ZNF407: variants seen among roughly 807,000 people sequenced by gnomAD.
ZNF407 encodes zinc finger protein 407.
ZNF407 carries 17 observed loss-of-function variants against 131.2 expected under a neutral mutation model. The ratio of observed to expected loss-of-function variants is 0.13; its 90% confidence interval spans 0.09 to 0.19. ZNF407 has a LOEUF of 0.19. Ranked by LOEUF, ZNF407 falls within the 10% of genes least tolerant of loss-of-function variation. The pLI is 1.00. For synonymous variants in ZNF407, 1,156 were observed against 1,062.0 expected, an observed-to-expected ratio of 1.09 and a Z score of -1.72; for missense variants, 2,681 against 2,830.6, an observed-to-expected ratio of 0.95 and a Z score of 1.20.
intron 8 of ZNF407, among the ~76,000 whole-genome samples, chr18:74,972,101 T>A (rs1599271552): frequency 6.6e-6 from 1 of 152,102 alleles, no homozygotes; most frequent in South Asian, 2.1e-4. Flanking sequence ...TCCCTCTGGG[T>A]CCCTCCCACA....
At chr18:74,856,464 T>G (rs896360713) in intron 4 of ZNF407, among the ~76,000 whole-genome samples, 2 of 152,158 alleles carry the variant, frequency 1.3e-5, no homozygotes, top group Non-Finnish European at 2.9e-5. Flanking sequence ...AAATTAAAAT[T>G]TTATTATTTA....
chr18:74,617,158 C>CGCACCACACACATCCATATCCAT (rs1983347398), intron 1 of ZNF407, among the ~76,000 whole-genome samples: 2 of 23,758 alleles, frequency 8.4e-5, no homozygotes, highest in African/African-American at 2.5e-4. Context: ...TCCATATCCA[C>CGCACCACACACATCCATATCCAT]GCACCACACA....
chr18:74,973,627 G>A (rs1205668911), intron 8 of ZNF407, among the ~76,000 whole-genome samples: 1 of 152,168 alleles, frequency 6.6e-6, no homozygotes, highest in Non-Finnish European at 1.5e-5. Context: ...CGATATGTTT[G>A]TCTGCACAGG....
At chr18:74,619,893 C>A (rs1983446983) in intron 1 of ZNF407, among the ~76,000 whole-genome samples, 1 of 152,054 alleles carries the variant, frequency 6.6e-6, no homozygotes, top group Admixed American at 6.6e-5. Context: ...AATAAAACAA[C>A]CTTTTTCAAA....
intron 3 of ZNF407, among the ~76,000 whole-genome samples, chr18:74,731,567 A>G (rs1009098001): frequency 6.6e-6 from 1 of 152,254 alleles, no homozygotes; most frequent in Non-Finnish European, 1.5e-5. Context: ...ATTAGGAGTA[A>G]TGAAGTCAGA....
chr18:74,614,628 A>G (rs1185285140), intron 1 of ZNF407, among the ~76,000 whole-genome samples: 2 of 152,138 alleles, frequency 1.3e-5, no homozygotes, highest in Non-Finnish European at 2.9e-5. Context: ...GAATTCTTTA[A>G]AAGTACAGAT....
intron 3 of ZNF407, among the ~76,000 whole-genome samples, chr18:74,739,077 A>G (rs1217429666): frequency 6.6e-6 from 1 of 151,836 alleles, no homozygotes; most frequent in East Asian, 1.9e-4. Context: ...ATGCCACAAC[A>G]TGTATGTTTT....
At chr18:74,598,152 C>T (rs1009801437) in intron 1 of ZNF407, 2 of 151,450 alleles carry the variant, frequency 1.3e-5, no homozygotes, top group African/African-American at 4.9e-5. Flanking sequence ...CACGCCCGGA[C>T]ACACACCCTC....
At chr18:74,861,052 T>C (rs915783480) in intron 4 of ZNF407, among the ~76,000 whole-genome samples, 2 of 152,176 alleles carry the variant, frequency 1.3e-5, no homozygotes, top group African/African-American at 4.8e-5. Context: ...ACCCATTGTG[T>C]CCGCCTCTTT....
rs1488334225 is a variant in ZNF407, at chr18:74,633,959, A to C, written c.2940A>C (p.Glu980Asp). The C allele has an allele frequency of 1.2e-6, 2 of 1,614,018 alleles. No individual in the cohort carries two copies. Among genetic ancestry groups the C allele is most frequent in the Admixed American group, 1.7e-5 (1 of 60,034 alleles). Residue 980 changes from glutamate (E) to aspartate (D), a missense_variant, in exon 2 of 9, where the codon GAA becomes GAC. By Grantham distance (45) the Glu-to-Asp change is conservative (BLOSUM62 2). Coordinates refer to ENST00000299687, the MANE Select transcript of ZNF407 (RefSeq NM_017757.3). ...ATGTATTTCATTCTCTAGATGGAGA[A>C]GTTAACAGCCATCTTCTTGATAAAA... ...VENVFHSLDG[E>D]VNSHLLDKKE...
At chr18:74,787,670 A>T (rs867621756) in intron 4 of ZNF407, among the ~76,000 whole-genome samples, 1 of 152,176 alleles carries the variant, frequency 6.6e-6, no homozygotes, top group Non-Finnish European at 1.5e-5. Flanking sequence ...ATTTACTTTG[A>T]TGTCACGATT....
chr18:75,031,391 T>A (rs1349189789), intron 8 of ZNF407, among the ~76,000 whole-genome samples: 3 of 152,228 alleles, frequency 2.0e-5, no homozygotes, highest in African/African-American at 7.2e-5. Context: ...TTTCCTTACC[T>A]TTTACCCGTG....
At chr18:74,685,470 C>T (rs1425969785) in intron 3 of ZNF407, among the ~76,000 whole-genome samples, 1 of 152,202 alleles carries the variant, frequency 6.6e-6, no homozygotes, top group East Asian at 1.9e-4. Context: ...AGCACCATCA[C>T]AGTCTTGATC....
chr18:74,885,798 C>T (rs1000143689), intron 6 of ZNF407, among the ~76,000 whole-genome samples: 3 of 151,828 alleles, frequency 2.0e-5, no homozygotes, highest in Non-Finnish European at 2.9e-5. Context: ...TACTTTGTAC[C>T]GTATACAAAA....
intron 4 of ZNF407, among the ~76,000 whole-genome samples, chr18:74,799,891 GA>G (rs1196216525): frequency 5.0e-4 from 64 of 128,700 alleles, no homozygotes; most frequent in African/African-American, 1.7e-3. Context: ...TGCCGTTGTT[GA>G]AAAAAAAATC....
At chr18:74,940,167 A>G (rs1331322615) in intron 8 of ZNF407, among the ~76,000 whole-genome samples, 3 of 152,198 alleles carry the variant, frequency 2.0e-5, no homozygotes, top group Admixed American at 1.3e-4. Context: ...TGGACAGAAC[A>G]TATGTGATTG....
intron 8 of ZNF407, among the ~76,000 whole-genome samples, chr18:75,044,960 C>G (rs1973416327): frequency 6.6e-6 from 1 of 151,846 alleles, no homozygotes. Context: ...CAAAGAATTT[C>G]TTCTAGGATG....
At chr18:74,898,724 T>G (rs530957761) in intron 7 of ZNF407, among the ~76,000 whole-genome samples, 18 of 152,308 alleles carry the variant, frequency 1.2e-4, no homozygotes, top group Admixed American at 6.5e-4. Flanking sequence ...TGACATGGTA[T>G]TTTCTTTCAG....
chr18:74,639,160 A>G (rs1313334652), intron 2 of ZNF407, among the ~76,000 whole-genome samples: 1 of 152,200 alleles, frequency 6.6e-6, no homozygotes, highest in Non-Finnish European at 1.5e-5. Context: ...CAGTAAATTG[A>G]ACACACCAGA....
Sources: allele counts gnomAD v4.1 joint callset (sites outside exome capture counted in the v4.1 genomes callset), GRCh38; gene constraint gnomAD v4.1.1; transcripts MANE v1.5; gene names NCBI Gene and HGNC (gene_info 2026-07-23, HGNC 2026-07-21).